Variants in IGFBP5 observed in about 807,000 individuals in gnomAD.
IGFBP5 encodes the protein insulin-like growth factor-binding protein 5.
Under a neutral mutation model 28.0 loss-of-function variants are expected in IGFBP5, and 12 were observed. That is an observed-to-expected ratio of 0.43 (90% CI 0.27 to 0.69). The LOEUF (loss-of-function observed/expected upper bound fraction) is 0.69. IGFBP5 is among the 30% of genes least tolerant of loss of function. The pLI is 0.20. For missense variants in IGFBP5, 344 were observed against 381.6 expected (o/e 0.90, Z 0.82); for synonymous variants, 152 against 150.2 (o/e 1.01, Z -0.09).
intron 2 of IGFBP5, chr2:216,678,627 C>A (rs1559186183): frequency 1.7e-6 from 1 of 589,686 alleles, no homozygotes; most frequent in Non-Finnish European, 3.0e-6. Flanking sequence ...CACACACTCT[C>A]CTCAAATGAG....
In IGFBP5 at chr2:216,692,256, G is replaced by C; in HGVS notation, c.337+2183C>G. Among the ~76,000 whole-genome samples, 1 of 152,158 alleles carries C rather than the reference G, an allele frequency of 6.6e-6. No individual in the cohort carries two copies. The highest frequency in any genetic ancestry group is 6.5e-5 in the Admixed American group (1 of 15,286). On this transcript the variant is annotated intron_variant, in intron 1 of 3. Transcript: ENST00000233813. This position sits in a 1 kb window ranked among gnomAD's most constrained non-coding sequence, Gnocchi z 4.2. Reference sequence around the variant, plus strand: ...CGGAGAGGAGTGCTGGGGAGGGGGCGGGTAGAAGAGGCGGCTTCGGGTTGG... The same window carrying C: ...CGGAGAGGAGTGCTGGGGAGGGGGCCGGTAGAAGAGGCGGCTTCGGGTTGG...
At chr2:216,684,848 C>T (rs186745201) in intron 1 of IGFBP5, among the ~76,000 whole-genome samples, 1 of 152,368 alleles carries the variant, frequency 6.6e-6, no homozygotes, top group Non-Finnish European at 1.5e-5. Flanking sequence ...GAGGTTATCT[C>T]ATCCATGCTC....
chr2:216,688,871 G>A lies in IGFBP5; in HGVS notation c.337+5568C>T, dbSNP rs573866254. On this transcript the variant is annotated intron_variant, in intron 1 of 3. Coordinates refer to ENST00000233813, the MANE Select transcript of IGFBP5 (RefSeq NM_000599.4). ...GCATCCCAGAAGGAGGAGCTGCCAC[G>A]GCCTCCAGGATGTATTAGAATGGGT... 9.2e-5 allele frequency among the ~76,000 whole-genome samples: 14 copies of A among 152,274 alleles called. No individual in the cohort carries two copies. The East Asian group carries it at 1.2e-3, about 13-fold the overall frequency.
chr2:216,676,964 CA>C (rs1256287216), intron 3 of IGFBP5, 82 bp from the exon 4 acceptor site: 15 of 1,465,818 alleles, frequency 1.0e-5, no homozygotes. Flanking sequence ...TTGTCTACCC[CA>C]AGGCAAGACT....
chr2:216,690,642 C>G (rs145297221), intron 1 of IGFBP5, among the ~76,000 whole-genome samples: 1 of 133,794 alleles, frequency 7.5e-6, no homozygotes, highest in African/African-American at 2.8e-5. Flanking sequence ...CCTGCCTGCT[C>G]AAATCCAGCC....
In IGFBP5 at chr2:216,692,362, CGTGTGT is replaced by C. The variant is rs59144401; in HGVS notation, c.337+2071_337+2076del. Among the ~76,000 whole-genome samples the C allele has an allele frequency of 0.05, 7,186 of 142,492 alleles. 316 individuals carry two copies. The highest frequency in any genetic ancestry group is 0.11 in the Admixed American group (1,533 of 14,534). 93.5% of individuals were successfully genotyped at this position (142,492 alleles called of 152,430 possible). A position where few individuals can be genotyped will look rare whatever the true frequency, so the allele number is the denominator to read the frequency against. ...GGGATCTTGCTTGGGACTGAAGTGT[CGTGTGT>C]GTGTGTGTGTGTGTGTGTGTGTGTG... is the stretch of plus-strand genomic sequence containing the variant. On this transcript the variant is annotated intron_variant, in intron 1 of 3. Transcript: ENST00000233813. The surrounding 1 kb of genome is among the most constrained non-coding windows in gnomAD (Gnocchi z 4.2).
chr2:216,679,863 G>A lies in IGFBP5; in HGVS notation c.338-784C>T, dbSNP rs530665835. 3.9e-5 allele frequency among the ~76,000 whole-genome samples: 6 copies of A among 152,316 alleles called. No individual in the cohort carries two copies. Among genetic ancestry groups the A allele is most frequent in the Admixed American group, 1.3e-4 (2 of 15,302 alleles). The stretch of plus-strand genomic sequence containing the variant: ...ACTCAGCTCTGGACTGAGAGAGGCC[G>A]ACAGCTGGCTGAGACCGGGACAGTT... On this transcript the variant is annotated intron_variant, in intron 1 of 3. Coordinates refer to ENST00000233813, the MANE Select transcript of IGFBP5 (RefSeq NM_000599.4). The surrounding 1 kb of genome is among the most constrained non-coding windows in gnomAD (Gnocchi z 4.6).
rs916914358 is a variant in IGFBP5, at chr2:216,676,486, C to T, written c.*265G>A. The stretch of plus-strand genomic sequence containing the variant: ...CTTCCTCTCGTTCTTCCTCTCTTCC[C>T]TTCTCTGTTCATCCAACTTGCCTCA... On this transcript the variant is annotated 3_prime_UTR_variant, in exon 4 of 4. Transcript: ENST00000233813. The T allele has an allele frequency of 7.3e-6, 2 of 274,918 alleles. No individual in the cohort carries two copies. Among genetic ancestry groups the T allele is most frequent in the Non-Finnish European group, 1.4e-5 (2 of 143,504 alleles). The allele number at this position is 274,918 out of a possible 1,614,324, so 17.0% of individuals were successfully genotyped here.
At chr2:216,691,351 T>C (rs527863255) in intron 1 of IGFBP5, among the ~76,000 whole-genome samples, 1 of 152,306 alleles carries the variant, frequency 6.6e-6, no homozygotes, top group Non-Finnish European at 1.5e-5. Flanking sequence ...AGAGGAGACC[T>C]ACCCGAACCC....
In IGFBP5 at chr2:216,694,787, CG is replaced by C; in HGVS notation, c.-13del. ...GTGAGCAACACCATCTTCTCTTAGT[CG>C]CCCCCTTTACCTCGGGGTGGGGCAG... On this transcript the variant is annotated 5_prime_UTR_variant, in exon 1 of 4. Coordinates refer to ENST00000233813, the MANE Select transcript of IGFBP5 (RefSeq NM_000599.4). The surrounding 1 kb of genome is among the most constrained non-coding windows in gnomAD (Gnocchi z 5.2). The C allele has an allele frequency of 7.2e-7, 1 of 1,389,522 alleles. No homozygotes were observed. The highest frequency in any genetic ancestry group is 9.3e-7 in the Non-Finnish European group (1 of 1,075,406). The allele number at this position is 1,389,522 out of a possible 1,614,324, so 86.1% of individuals were successfully genotyped here. A position where few individuals can be genotyped will look rare whatever the true frequency, so the allele number is the denominator to read the frequency against.
chr2:216,685,455 A>G (rs1393143395), intron 1 of IGFBP5, among the ~76,000 whole-genome samples: 2 of 151,886 alleles, frequency 1.3e-5, no homozygotes, highest in African/African-American at 2.4e-5. Context: ...AGTCCTGGTC[A>G]GTGCTGGCCT....
At position 216,694,405 on chromosome 2, in the gene IGFBP5, C is replaced by T; in HGVS notation, c.337+34G>A. 6.9e-7 allele frequency: 1 copy of T among 1,453,586 alleles called. No homozygotes were observed. Among genetic ancestry groups the T allele is most frequent in the Non-Finnish European group, 9.1e-7 (1 of 1,102,940 alleles). 90.0% of individuals were successfully genotyped at this position (1,453,586 alleles called of 1,614,324 possible). A position where few individuals can be genotyped will look rare whatever the true frequency, so the allele number is the denominator to read the frequency against. On this transcript the variant is annotated intron_variant, in intron 1 of 3. Transcript: ENST00000233813. The surrounding 1 kb of genome is among the most constrained non-coding windows in gnomAD (Gnocchi z 5.2). ...CGGTCTCGTGTCCCCCGCCCGTGCG[C>T]CGCGTAACTGACTGGCACACTGAGC...
chr2:216,676,643 T>C lies in IGFBP5; in HGVS notation c.*108A>G. ...TCCTCAAATAGATAGATATATATTT[T>C]TCCCTTAAATGAGATGAAATGAGTG... On this transcript the variant is annotated 3_prime_UTR_variant, in exon 4 of 4. Coordinates refer to ENST00000233813, the MANE Select transcript of IGFBP5 (RefSeq NM_000599.4). 1 of 688,288 alleles carries C rather than the reference T, an allele frequency of 1.5e-6. No individual in the cohort carries two copies. The highest frequency in any genetic ancestry group is 2.5e-6 in the Non-Finnish European group (1 of 407,534). The allele number at this position is 688,288 out of a possible 1,614,324, so 42.6% of individuals were successfully genotyped here. A position where few individuals can be genotyped will look rare whatever the true frequency, so the allele number is the denominator to read the frequency against.
In IGFBP5 at chr2:216,687,634, A is replaced by G. The variant is rs145363387; in HGVS notation, c.337+6805T>C. Among the ~76,000 whole-genome samples the G allele has an allele frequency of 6.7e-3, 1,020 of 152,264 alleles. 17 individuals carry two copies. Among genetic ancestry groups the G allele is most frequent in the African/African-American group, 0.023 (970 of 41,540 alleles). On this transcript the variant is annotated intron_variant, in intron 1 of 3. Transcript: ENST00000233813. Reference sequence around the variant, plus strand: ...AGCCAAGCTTCTTTTGGAGTTGGGGAAGGGGGAGCATGCTTAGTAGAAGTG... The same window carrying G: ...AGCCAAGCTTCTTTTGGAGTTGGGGGAGGGGGAGCATGCTTAGTAGAAGTG...
Position 216,686,935 on chromosome 2 carries a change from A to C in IGFBP5, c.337+7504T>G, listed in dbSNP as rs929272978. ...CAGTTTTCTCACCTGTGTTATGGGGAGGATGGCAATGGCCCCTTCTCCATT... is the reference window on the plus strand; with the variant it reads ...CAGTTTTCTCACCTGTGTTATGGGGCGGATGGCAATGGCCCCTTCTCCATT... On this transcript the variant is annotated intron_variant, in intron 1 of 3. Transcript: ENST00000233813. Among the ~76,000 whole-genome samples, 8 of 152,016 alleles carry C rather than the reference A, an allele frequency of 5.3e-5. 1 individual carries two copies. Among genetic ancestry groups the C allele is most frequent in the Admixed American group, 3.9e-4 (6 of 15,282 alleles).
chr2:216,693,636 G>A (rs973520357), intron 1 of IGFBP5, among the ~76,000 whole-genome samples: 4 of 152,052 alleles, frequency 2.6e-5, no homozygotes, highest in Non-Finnish European at 5.9e-5. Context: ...ATTCAGAAAC[G>A]AACACCAGGC....
intron 1 of IGFBP5, among the ~76,000 whole-genome samples, chr2:216,685,235 C>T (rs374834598): frequency 4.0e-5 from 6 of 149,404 alleles, no homozygotes; most frequent in African/African-American, 1.2e-4. Context: ...GAGCCAAGAT[C>T]GTGCCACTAC....
In IGFBP5 at chr2:216,676,529, AGG is replaced by A; in HGVS notation, c.*220_*221del. On this transcript the variant is annotated 3_prime_UTR_variant, in exon 4 of 4. Transcript: ENST00000233813. ...TTGCCTCAAAAAGAAAACCATTTAAAGGGGGGGGGTGTCTTTTTAGCTTTTTG... is the reference window on the plus strand; with the variant it reads ...TTGCCTCAAAAAGAAAACCATTTAAAGGGGGGGTGTCTTTTTAGCTTTTTG... The A allele has an allele frequency of 3.3e-6, 1 of 303,044 alleles. No homozygotes were observed. 18.8% of individuals were successfully genotyped at this position (303,044 alleles called of 1,614,324 possible).
At chr2:216,681,611 G>A (rs1688978898) in intron 1 of IGFBP5, among the ~76,000 whole-genome samples, 1 of 152,096 alleles carries the variant, frequency 6.6e-6, no homozygotes, top group Admixed American at 6.5e-5. Context: ...GCAGAAATAA[G>A]CATCTATCTC....
Sources: allele counts gnomAD v4.1 joint callset (sites outside exome capture counted in the v4.1 genomes callset), GRCh38; gene constraint gnomAD v4.1.1; non-coding constraint Gnocchi (gnomAD v3.1); transcripts MANE v1.5; gene names NCBI Gene and HGNC (gene_info 2026-07-23, HGNC 2026-07-21).